Variants in SYCP2L observed in about 807,000 individuals in gnomAD.
SYCP2L encodes the protein synaptonemal complex protein 2 like, also known as synaptonemal complex protein 2-like.
Under a neutral mutation model 125.8 loss-of-function variants are expected in SYCP2L, and 98 were observed. The observed-to-expected ratio is 0.78, with a 90% confidence interval of 0.66 to 0.92. SYCP2L has a LOEUF of 0.92. Ranked by LOEUF, SYCP2L falls within the 40% of genes least tolerant of loss-of-function variation. The probability of loss-of-function intolerance (pLI) is 0.00; values close to 1 mark genes in which losing one functional copy is unlikely to be tolerated. For missense variants in SYCP2L, 842 were observed against 936.4 expected (o/e 0.90, Z 1.32); for synonymous variants, 317 against 325.4 (o/e 0.97, Z 0.28).
intron 23 of SYCP2L, among the ~76,000 whole-genome samples, chr6:10,944,037 G>A (rs1002488295): frequency 6.6e-6 from 1 of 152,086 alleles, no homozygotes; most frequent in African/African-American, 2.4e-5. Flanking sequence ...TGATACACAG[G>A]TTAAAAATCT....
intron 20 of SYCP2L, among the ~76,000 whole-genome samples, chr6:10,934,313 T>C (rs1561692671): frequency 6.6e-6 from 1 of 152,368 alleles, no homozygotes; most frequent in African/African-American, 2.4e-5. Flanking sequence ...TTAAAAATAA[T>C]TCAAAGAGTC....
intron 12 of SYCP2L, 32 bp downstream of exon 12, chr6:10,910,901 C>T (rs770376349): frequency 1.6e-5 from 25 of 1,611,298 alleles, no homozygotes; most frequent in Admixed American, 1.3e-4. Flanking sequence ...GTCCTGAGGG[C>T]GGTGTGCAGT....
chr6:10,925,185 T>A (rs1005405747), intron 15 of SYCP2L, among the ~76,000 whole-genome samples: 2 of 152,164 alleles, frequency 1.3e-5, no homozygotes, highest in Admixed American at 6.5e-5. Context: ...AACTCCCCTT[T>A]ATAAAACCAT....
At chr6:10,941,528 G>A (rs1456677164) in intron 21 of SYCP2L, among the ~76,000 whole-genome samples, 1 of 152,202 alleles carries the variant, frequency 6.6e-6, no homozygotes, top group Admixed American at 6.5e-5. Context: ...CATTTATGCA[G>A]CCAACAGACA....
chr6:10,903,976 CT>C (rs1370446660), intron 8 of SYCP2L, among the ~76,000 whole-genome samples: 3 of 152,144 alleles, frequency 2.0e-5, no homozygotes, highest in Non-Finnish European at 4.4e-5. Context: ...AGTTTTGCCA[CT>C]TTTGCCAGCT....
rs759371888 is a variant in SYCP2L at position 10,927,332 on chromosome 6, C to T, written c.1405C>T (p.Pro469Ser). Residue 469 changes from proline (P) to serine (S), a missense_variant, in exon 17 of 30, where the codon CCA becomes TCA. Transcript: ENST00000283141. ...TCTCCACTTAAATGACCAATCTGAG[C>T]CACCTGTTATTGGGGAACCTGCCTC... Reference protein sequence around the residue: ...ITLHLNDQSEPPVIGEPASDS... With the variant: ...ITLHLNDQSESPVIGEPASDS... The T allele has an allele frequency of 1.2e-6, 2 of 1,613,982 alleles. No individual in the cohort carries two copies. The highest frequency in any genetic ancestry group is 1.1e-5 in the South Asian group (1 of 91,074).
At position 10,892,813 on chromosome 6, in the gene SYCP2L, G is replaced by A. The variant is rs539856250; in HGVS notation, c.79-1054G>A. Among the ~76,000 whole-genome samples, 141 of 152,196 alleles carry A rather than the reference G, an allele frequency of 9.3e-4. 1 individual carries two copies. Among genetic ancestry groups the A allele is most frequent in the African/African-American group, 3.3e-3 (137 of 41,526 alleles). On this transcript the variant is annotated intron_variant, in intron 2 of 29. Coordinates refer to ENST00000283141, the MANE Select transcript of SYCP2L (RefSeq NM_001040274.3). The stretch of plus-strand genomic sequence containing the variant: ...GTTAACTTAAAAAAGAAAACATTCT[G>A]TTTAAATGGAATAATTTTAAATGCT...
intron 1 of SYCP2L, among the ~76,000 whole-genome samples, chr6:10,890,821 T>G (rs971428006): frequency 6.6e-6 from 1 of 152,168 alleles, no homozygotes. Flanking sequence ...GGATCTTAAG[T>G]GTAAGCTTTT....
chr6:10,897,203 G>A (rs936105759), intron 4 of SYCP2L, among the ~76,000 whole-genome samples: 1 of 152,094 alleles, frequency 6.6e-6, no homozygotes, highest in African/African-American at 2.4e-5. Context: ...TATGAAATTG[G>A]ATATGTATTC....
intron 28 of SYCP2L, among the ~76,000 whole-genome samples, chr6:10,963,089 ACTCT>A (rs1196225480): frequency 6.6e-6 from 1 of 151,274 alleles, no homozygotes; most frequent in African/African-American, 2.4e-5. Flanking sequence ...ATATTAGGCA[ACTCT>A]CTCTTCAAAC....
At chr6:10,935,021 A>G (rs1294916489) in intron 20 of SYCP2L, 37 bp from the exon 21 acceptor site, 43 of 1,512,534 alleles carry the variant, frequency 2.8e-5, no homozygotes, top group Non-Finnish European at 3.7e-5. Flanking sequence ...GTTTTTAATT[A>G]TGAATGTTAA....
chr6:10,953,755 G>A (rs1236187782), intron 23 of SYCP2L, among the ~76,000 whole-genome samples: 5 of 152,168 alleles, frequency 3.3e-5, no homozygotes, highest in African/African-American at 1.2e-4. Context: ...CTCTAGTGTG[G>A]GAGACAGATG....
chr6:10,899,981 C>T (rs1405858964), intron 6 of SYCP2L, among the ~76,000 whole-genome samples: 1 of 152,190 alleles, frequency 6.6e-6, no homozygotes, highest in Non-Finnish European at 1.5e-5. Flanking sequence ...TATGTATATA[C>T]TGCATATTTG....
intron 29 of SYCP2L, among the ~76,000 whole-genome samples, chr6:10,969,527 AT>A (rs886196573): frequency 4.0e-5 from 6 of 148,358 alleles, no homozygotes; most frequent in Admixed American, 6.7e-5. Context: ...CGCCCAGCTA[AT>A]TTTTTTTTTG....
At chr6:10,956,950 C>T (rs1044019013) in intron 25 of SYCP2L, among the ~76,000 whole-genome samples, 1 of 152,126 alleles carries the variant, frequency 6.6e-6, no homozygotes, top group African/African-American at 2.4e-5. Context: ...CCTAAGCCTC[C>T]CATGTAGCTG....
intron 29 of SYCP2L, among the ~76,000 whole-genome samples, chr6:10,967,975 C>G (rs1038645232): frequency 6.6e-6 from 1 of 152,056 alleles, no homozygotes; most frequent in African/African-American, 2.4e-5. Flanking sequence ...CAATCTCAGT[C>G]CAAGAAATTG....
intron 25 of SYCP2L, among the ~76,000 whole-genome samples, chr6:10,956,596 T>C (rs1369758435): frequency 6.6e-6 from 1 of 151,096 alleles, no homozygotes; most frequent in Non-Finnish European, 1.5e-5. Context: ...AAGTAATGAA[T>C]ATGTTAATTT....
intron 23 of SYCP2L, among the ~76,000 whole-genome samples, chr6:10,945,398 T>C (rs904141727): frequency 2.6e-5 from 4 of 152,214 alleles, no homozygotes; most frequent in Admixed American, 2.0e-4. Flanking sequence ...TTAAAAACTT[T>C]CGCTATGATT....
chr6:10,945,477 A>G (rs951329695), intron 23 of SYCP2L, among the ~76,000 whole-genome samples: 7 of 152,106 alleles, frequency 4.6e-5, no homozygotes, highest in Non-Finnish European at 7.4e-5. Context: ...TTTCTAAATA[A>G]TAAGTCTTTA....
Sources: gnomAD v4.1 joint callset for allele counts (sites outside exome capture counted in the v4.1 genomes callset) on GRCh38, gnomAD v4.1.1 for gene constraint, MANE v1.5 for transcripts, NCBI Gene and HGNC (gene_info 2026-07-23, HGNC 2026-07-21) for gene names.